CSMD3: variants seen among roughly 807,000 people sequenced by gnomAD.
The protein encoded by CSMD3 is CUB and sushi domain-containing protein 3.
In CSMD3, 177 loss-of-function variants were observed where a neutral mutation model predicts 435.2. The ratio of observed to expected loss-of-function variants is 0.41; its 90% CI spans 0.36 to 0.46. The LOEUF is 0.46. Ranked by LOEUF, CSMD3 falls within the 20% of genes least tolerant of loss-of-function variation. CSMD3 has a pLI of 0.34. For missense variants in CSMD3, 4,265 were observed against 4,504.6 expected, an observed-to-expected ratio of 0.95 and a Z score of 1.52; for synonymous variants, 1,656 against 1,520.5, an observed-to-expected ratio of 1.09 and a Z score of -2.07.
intron 5 of CSMD3, among the ~76,000 whole-genome samples, chr8:113,030,167 T>C (rs2087033292): frequency 6.6e-6 from 1 of 151,150 alleles, no homozygotes; most frequent in Non-Finnish European, 1.5e-5. Flanking sequence ...TGCTCATGGA[T>C]GGGTGGAATC....
intron 69 of CSMD3, among the ~76,000 whole-genome samples, chr8:112,229,697 G>A (rs1387587351): frequency 6.6e-6 from 1 of 152,096 alleles, no homozygotes; most frequent in Non-Finnish European, 1.5e-5. Context: ...CCAAAATGCT[G>A]GGATTACAGG....
At position 113,127,638 on chromosome 8, in the gene CSMD3, T is replaced by C. The variant is rs540657805; in HGVS notation, c.710-28675A>G. Among the ~76,000 whole-genome samples the C allele has an allele frequency of 1.0e-3, 153 of 152,192 alleles. 1 individual carries two copies. Among genetic ancestry groups the C allele is most frequent in the Non-Finnish European group, 1.5e-3 (102 of 67,976 alleles). ...TCACCTAGGCTTTCATCATATTTAA[T>C]TACTGATCATCCTAATGTGTCTCCT... On this transcript the variant is annotated intron_variant, in intron 4 of 70. Coordinates refer to ENST00000297405, the MANE Select transcript of CSMD3 (RefSeq NM_198123.2).
chr8:113,191,430 T>C (rs1296896866), intron 3 of CSMD3, among the ~76,000 whole-genome samples: 1 of 151,734 alleles, frequency 6.6e-6, no homozygotes, highest in East Asian at 1.9e-4. Context: ...GTGTCTATTA[T>C]TTCCATCTTT....
At chr8:112,920,285 A>G (rs1238157419) in intron 10 of CSMD3, among the ~76,000 whole-genome samples, 1 of 151,954 alleles carries the variant, frequency 6.6e-6, no homozygotes. Context: ...GAATTAAAAA[A>G]GTTGATGTTT....
chr8:112,274,092 G>C (rs1268441834), intron 59 of CSMD3, among the ~76,000 whole-genome samples: 1 of 151,892 alleles, frequency 6.6e-6, no homozygotes, highest in Non-Finnish European at 1.5e-5. Context: ...ATAGTGTTAA[G>C]TTGTTCACTA....
intron 31 of CSMD3, among the ~76,000 whole-genome samples, chr8:112,480,578 G>C (rs1466832334): frequency 6.6e-6 from 1 of 152,072 alleles, no homozygotes; most frequent in African/African-American, 2.4e-5. Context: ...TTGCGATAGT[G>C]AGTGAGTTCT....
At chr8:113,025,733 T>A (rs2086852181) in intron 5 of CSMD3, among the ~76,000 whole-genome samples, 1 of 152,016 alleles carries the variant, frequency 6.6e-6, no homozygotes, top group Non-Finnish European at 1.5e-5. Context: ...GTGTGATAGG[T>A]AAGCCATCTC....
chr8:112,828,556 G>C (rs542357527), intron 12 of CSMD3, among the ~76,000 whole-genome samples: 109 of 152,172 alleles, frequency 7.2e-4, no homozygotes, highest in African/African-American at 2.5e-3. Context: ...AGTTTCCCGA[G>C]GTCTCCCAGT....
intron 3 of CSMD3, among the ~76,000 whole-genome samples, chr8:113,197,370 A>G (rs1472124485): frequency 6.6e-6 from 1 of 151,126 alleles, no homozygotes; most frequent in Non-Finnish European, 1.5e-5. Flanking sequence ...AAGACATTTC[A>G]TTATGTTATG....
At chr8:112,377,759 C>T (rs1490908854) in intron 38 of CSMD3, among the ~76,000 whole-genome samples, 1 of 151,686 alleles carries the variant, frequency 6.6e-6, no homozygotes, top group African/African-American at 2.4e-5. Flanking sequence ...ATAATTGTAT[C>T]AATGAATGCA....
At chr8:112,497,556 A>G (rs1821487471) in intron 30 of CSMD3, among the ~76,000 whole-genome samples, 1 of 151,402 alleles carries the variant, frequency 6.6e-6, no homozygotes, top group South Asian at 2.1e-4. Flanking sequence ...AAGACCACTA[A>G]TAACTTTACT....
chr8:112,593,154 GC>G (rs1249128371), intron 22 of CSMD3, among the ~76,000 whole-genome samples: 1 of 152,088 alleles, frequency 6.6e-6, no homozygotes, highest in African/African-American at 2.4e-5. Context: ...TGATTCATAC[GC>G]CATTCTAAGA....
chr8:112,842,433 T>A (rs887781572), intron 11 of CSMD3, among the ~76,000 whole-genome samples: 1 of 151,778 alleles, frequency 6.6e-6, no homozygotes, highest in African/African-American at 2.4e-5. Context: ...GAAACTAAGC[T>A]CAAACGTTAG....
At chr8:112,470,494 G>C (rs16883659) in intron 32 of CSMD3, among the ~76,000 whole-genome samples, 67 of 152,040 alleles carry the variant, frequency 4.4e-4, no homozygotes, top group Non-Finnish European at 7.4e-4. Flanking sequence ...GTAGGGTTCA[G>C]GCTGACAATG....
chr8:112,228,703 AC>A, intron 70 of CSMD3, 52 bp downstream of exon 70: 1 of 1,552,296 alleles, frequency 6.4e-7, no homozygotes, highest in Non-Finnish European at 8.9e-7. Context: ...AGTAGAAATA[AC>A]ATGAAAAACA....
intron 22 of CSMD3, among the ~76,000 whole-genome samples, chr8:112,612,158 C>G (rs1833305106): frequency 6.6e-6 from 1 of 152,116 alleles, no homozygotes; most frequent in South Asian, 2.1e-4. Context: ...TAAAACAATT[C>G]TATAATGCCT....
chr8:113,324,239 T>C (rs1208370258), intron 1 of CSMD3, among the ~76,000 whole-genome samples: 1 of 152,170 alleles, frequency 6.6e-6, no homozygotes, highest in African/African-American at 2.4e-5. Flanking sequence ...AGAATGTGAA[T>C]CCTCAACATA....
chr8:112,867,719 A>G (rs975413533), intron 10 of CSMD3, among the ~76,000 whole-genome samples: 10 of 152,174 alleles, frequency 6.6e-5, no homozygotes, highest in Admixed American at 5.2e-4. Context: ...AAAAAAATTA[A>G]AAATGGTACA....
intron 47 of CSMD3, among the ~76,000 whole-genome samples, chr8:112,316,189 G>A (rs1822443412): frequency 6.6e-6 from 1 of 151,700 alleles, no homozygotes. Context: ...TTAAAATATA[G>A]TATAGCTAAA....
Sources: allele counts gnomAD v4.1 joint callset (sites outside exome capture counted in the v4.1 genomes callset), GRCh38; gene constraint gnomAD v4.1.1; transcripts MANE v1.5; gene names NCBI Gene and HGNC (gene_info 2026-07-23, HGNC 2026-07-21).